Variants in TPM3 observed in about 807,000 individuals in gnomAD.
The protein encoded by TPM3 is tropomyosin 3.
TPM3 carries 16 observed loss-of-function variants against 43.1 expected under a neutral mutation model. The ratio of observed to expected loss-of-function variants is 0.37; its 90% confidence interval spans 0.25 to 0.56. The LOEUF is 0.56. Ranked by LOEUF, TPM3 falls within the 20% of genes least tolerant of loss-of-function variation. The pLI is 0.77. For missense variants in TPM3, 176 were observed against 337.2 expected (o/e 0.52, Z 3.74); for synonymous variants, 101 against 116.9 (o/e 0.86, Z 0.88).
Position 154,167,186 on chromosome 1 carries a change from G to T in TPM3, c.*751C>A. 1.9e-6 allele frequency: 1 copy of T among 521,656 alleles called. No individual in the cohort carries two copies. Among genetic ancestry groups the T allele is most frequent in the Non-Finnish European group, 2.5e-6 (1 of 406,592 alleles). 32.3% of individuals were successfully genotyped at this position (521,656 alleles called of 1,614,324 possible). ...ACTAGTCACACACTAGCAGGCAAAT[G>T]GTAGCAAGTCTCAAATATGTAAGAA... is the stretch of plus-strand genomic sequence containing the variant. On this transcript the variant is annotated 3_prime_UTR_variant, in exon 10 of 10. Coordinates refer to ENST00000651641, the MANE Select transcript of TPM3 (RefSeq NM_152263.4).
At position 154,162,256 on chromosome 1, in the gene TPM3, TCAGGAGGCTGAGG is replaced by T. The variant is rs1660449364; in HGVS notation, c.*5668_*5680del. The stretch of plus-strand genomic sequence containing the variant: ...TGCACGTGCCTGTAATCCCAGCTAT[TCAGGAGGCTGAGG>T]CAGGAGGATCACTTAAACCCAGGAG... On this transcript the variant is annotated 3_prime_UTR_variant, in exon 10 of 10. Coordinates refer to ENST00000651641, the MANE Select transcript of TPM3 (RefSeq NM_152263.4). Among the ~76,000 whole-genome samples the T allele has an allele frequency of 6.7e-6, 1 of 149,918 alleles. No homozygotes were observed.
rs1472303357 is a variant in TPM3 at position 154,165,007 on chromosome 1, C to T, written c.*2930G>A. Among the ~76,000 whole-genome samples the T allele has an allele frequency of 6.6e-6, 1 of 152,232 alleles. No homozygotes were observed. Among genetic ancestry groups the T allele is most frequent in the East Asian group, 1.9e-4 (1 of 5,200 alleles). ...CTCATTTTAAGACACAACCTGTTCC[C>T]TACTCTGTCTAAATCTACCTTTAGA... is the stretch of plus-strand genomic sequence containing the variant. On this transcript the variant is annotated 3_prime_UTR_variant, in exon 10 of 10. Transcript: ENST00000651641.
chr1:154,172,567 A>T, intron 5 of TPM3: 2 of 454,810 alleles, frequency 4.4e-6, no homozygotes, highest in South Asian at 3.8e-5. Flanking sequence ...CAGACACTAG[A>T]TCTTAAATCA....
In TPM3 at chr1:154,171,485, C is replaced by T. The variant is rs1558043507; in HGVS notation, c.570G>A (p.Lys190=). The stretch of plus-strand genomic sequence containing the variant: ...TCAGCTCCTCCTCCAGCTCAGAACA[C>T]TTACTGTGAATATTTTAAATACCAC... The part of the protein sequence containing the change: ...TEERAELAES[K]CSELEEELKN... Residue 190 remains lysine, a synonymous_variant, in exon 6 of 10, where the codon AAG becomes AAA. Coordinates refer to ENST00000651641, the MANE Select transcript of TPM3 (RefSeq NM_152263.4). The T allele has an allele frequency of 1.2e-6, 2 of 1,614,120 alleles. No individual in the cohort carries two copies. The highest frequency in any genetic ancestry group is 1.7e-6 in the Non-Finnish European group (2 of 1,180,026).
chr1:154,157,790 A>AGAAG, downstream of TPM3: 1 of 778,898 alleles, frequency 1.3e-6, no homozygotes, highest in Non-Finnish European at 2.4e-6. Flanking sequence ...GCTCTTTGAG[A>AGAAG]CTTGCTCCTG....
At chr1:154,160,793 T>C (rs58473942), downstream of TPM3, among the ~76,000 whole-genome samples, 294 of 152,222 alleles carry the variant, frequency 1.9e-3, 3 homozygotes, top group East Asian at 0.026. Context: ...AAGTCCAAAA[T>C]CCAAAATGCT....
chr1:154,171,634 A>G, intron 5 of TPM3, 146 bp from the exon 6 acceptor site: 2 of 872,374 alleles, frequency 2.3e-6, no homozygotes, highest in Non-Finnish European at 1.9e-6. Flanking sequence ...AAGTAACCTG[A>G]GCAAGCATCA....
intron 6 of TPM3, 171 bp from the exon 7 acceptor site, chr1:154,170,882 CTA>C: frequency 1.6e-6 from 1 of 630,904 alleles, no homozygotes; most frequent in South Asian, 1.9e-5. Context: ...ATTCAGAAAT[CTA>C]TGTCTTTAGA....
chr1:154,183,380 C>T, intron 2 of TPM3: 1 of 1,265,894 alleles, frequency 7.9e-7, no homozygotes, highest in East Asian at 2.8e-5. Flanking sequence ...GGCCAGTAAA[C>T]TGGGACGGGG....
At chr1:154,159,639 G>C (rs1558025865), downstream of TPM3, among the ~76,000 whole-genome samples, 1 of 150,870 alleles carries the variant, frequency 6.6e-6, no homozygotes, top group Non-Finnish European at 1.5e-5. Context: ...AACCTGTTAA[G>C]AGTCAACAAA....
intron 2 of TPM3, among the ~76,000 whole-genome samples, chr1:154,188,334 T>A (rs572219403): frequency 6.6e-6 from 1 of 151,782 alleles, no homozygotes; most frequent in East Asian, 1.9e-4. Context: ...GTGCTGGAAT[T>A]ACAGGTCTGA....
rs1432008215 is a variant in TPM3, at chr1:154,164,848, G to A, written c.*3089C>T. Among the ~76,000 whole-genome samples the A allele has an allele frequency of 6.6e-6, 1 of 152,194 alleles. No homozygotes were observed. Among genetic ancestry groups the A allele is most frequent in the Non-Finnish European group, 1.5e-5 (1 of 68,032 alleles). ...CTGAAATGTGAGAAACACCATGTTA[G>A]TGAATCACTTTGCTAATCTGCAAAT... On this transcript the variant is annotated 3_prime_UTR_variant, in exon 10 of 10. Transcript: ENST00000651641.
At chr1:154,169,193 TG>T in intron 9 of TPM3, 111 bp downstream of exon 9, 1 of 1,112,102 alleles carries the variant, frequency 9.0e-7, no homozygotes, top group Non-Finnish European at 1.4e-6. Context: ...AAGATAAGGG[TG>T]GAGATTCTAG....
At chr1:154,186,797 GA>G (rs577424731) in intron 2 of TPM3, among the ~76,000 whole-genome samples, 163 of 151,520 alleles carry the variant, frequency 1.1e-3, no homozygotes, top group Non-Finnish European at 2.0e-3. Context: ...ATTTAGGGAG[GA>G]AAAAAAAGTT....
intron 8 of TPM3, chr1:154,169,724 A>T (rs772536590): frequency 2.4e-6 from 1 of 413,156 alleles, no homozygotes; most frequent in Non-Finnish European, 4.5e-6. Flanking sequence ...TTGAACAAAA[A>T]TAGCAAAGGG....
In TPM3 at chr1:154,164,359, C is replaced by A. The variant is rs1458236992; in HGVS notation, c.*3578G>T. Among the ~76,000 whole-genome samples the A allele has an allele frequency of 2.0e-5, 3 of 152,130 alleles. No individual in the cohort carries two copies. The highest frequency in any genetic ancestry group is 2.0e-4 in the Admixed American group (3 of 15,258). On this transcript the variant is annotated 3_prime_UTR_variant, in exon 10 of 10. Coordinates refer to ENST00000651641, the MANE Select transcript of TPM3 (RefSeq NM_152263.4). ...TATATTTTGTAGAGACAGGTTCTCA[C>A]TTTATTGCCAGGCTGGTCTCGAACT... is the stretch of plus-strand genomic sequence containing the variant.
Position 154,170,453 on chromosome 1 carries a change from TC to T in TPM3, c.721del (p.Glu241SerfsTer7). On this transcript the variant is annotated frameshift_variant, in exon 8 of 10. Coordinates refer to ENST00000651641, the MANE Select transcript of TPM3 (RefSeq NM_152263.4). LOFTEE classifies it high-confidence loss of function. The stretch of plus-strand genomic sequence containing the variant: ...CTTGGCTACCGATCTCTCAGCAAAC[TC>T]AGCACGGGTCTCTGCCTGGGGGAAA... Reference protein sequence around the residue: ...DKLKEAETRAEFAERSVAKLE... With the variant: ...DKLKEAETRAXFAERSVAKLE... 1 of 1,614,144 alleles carries T rather than the reference TC, an allele frequency of 6.2e-7. No homozygotes were observed. Among genetic ancestry groups the T allele is most frequent in the Non-Finnish European group, 8.5e-7 (1 of 1,180,036 alleles).
Position 154,162,945 on chromosome 1 carries a change from G to T in TPM3, c.*4992C>A, listed in dbSNP as rs907386130. Among the ~76,000 whole-genome samples the T allele has an allele frequency of 6.6e-6, 1 of 151,960 alleles. No individual in the cohort carries two copies. Among genetic ancestry groups the T allele is most frequent in the African/African-American group, 2.4e-5 (1 of 41,342 alleles). ...CCTGCCTCAGCCTCTCGAGTAGTTG[G>T]GACTACAGGCATGTGCCACCATGTC... On this transcript the variant is annotated 3_prime_UTR_variant, in exon 10 of 10. Transcript: ENST00000651641.
intron 8 of TPM3, 92 bp from the exon 9 acceptor site, chr1:154,169,475 A>G (rs1323275402): frequency 2.4e-5 from 32 of 1,332,490 alleles, no homozygotes; most frequent in Non-Finnish European, 2.9e-5. Flanking sequence ...AGAAATTAGG[A>G]AAGTGTGACT....
Sources: gnomAD v4.1 joint callset for allele counts (sites outside exome capture counted in the v4.1 genomes callset) on GRCh38, gnomAD v4.1.1 for gene constraint, MANE v1.5 for transcripts, NCBI Gene and HGNC (gene_info 2026-07-23, HGNC 2026-07-21) for gene names.